The following PGPEP1L variants were observed in gnomAD, a reference collection of about 807,000 sequenced individuals.
The protein encoded by PGPEP1L is pyroglutamyl-peptidase I like.
In PGPEP1L, 7 loss-of-function variants were observed where a neutral mutation model predicts 6.0. That is an observed-to-expected ratio of 1.17 (90% confidence interval 0.66 to 2.19). The LOEUF is 2.19. PGPEP1L is among the 30% of genes most tolerant of loss of function. The pLI is 0.00. For synonymous variants in PGPEP1L, 103 were observed against 83.9 expected, an observed-to-expected ratio of 1.23 and a Z score of -1.24; for missense variants, 209 against 192.5, an observed-to-expected ratio of 1.09 and a Z score of -0.51.
intron 3 of PGPEP1L, among the ~76,000 whole-genome samples, chr15:98,970,581 T>A (rs1265329767): frequency 3.3e-5 from 5 of 152,122 alleles, no homozygotes; most frequent in African/African-American, 1.2e-4. Context: ...ATCTGTTTTT[T>A]ATACAGTAAT....
In PGPEP1L at chr15:98,975,223, G is replaced by C. The variant is rs187344500; in HGVS notation, c.-141-4065C>G. On this transcript the variant is annotated intron_variant, in intron 2 of 4. Transcript: ENST00000535714. The stretch of plus-strand genomic sequence containing the variant: ...TGTTAAGTGAAATAAGCCAGGCACA[G>C]ACACACAAACATTACATATTTTCAC... Among the ~76,000 whole-genome samples the C allele has an allele frequency of 1.3e-4, 20 of 152,280 alleles. No individual in the cohort carries two copies. In the East Asian group the frequency reaches 2.9e-3, roughly 22 times the overall value.
At chr15:98,976,035 A>G (rs554252068) in intron 2 of PGPEP1L, among the ~76,000 whole-genome samples, 8 of 152,330 alleles carry the variant, frequency 5.3e-5, no homozygotes, top group African/African-American at 1.9e-4. Context: ...CTTAAGAGAA[A>G]GAACATACAG....
chr15:98,987,486 T>C (rs1246420573), intron 2 of PGPEP1L, among the ~76,000 whole-genome samples: 1 of 150,886 alleles, frequency 6.6e-6, no homozygotes, highest in Non-Finnish European at 1.5e-5. Flanking sequence ...GCAGGGGTGG[T>C]GGTGGGGTTG....
At chr15:98,979,605 A>G (rs973698360) in intron 2 of PGPEP1L, among the ~76,000 whole-genome samples, 1 of 147,298 alleles carries the variant, frequency 6.8e-6, no homozygotes, top group Non-Finnish European at 1.5e-5. Context: ...TGGCATTTAT[A>G]GCAACCTGGA....
chr15:99,001,709 T>G (rs1329701104), intron 2 of PGPEP1L, among the ~76,000 whole-genome samples: 1 of 147,466 alleles, frequency 6.8e-6, no homozygotes, highest in Non-Finnish European at 1.5e-5. Context: ...TATATTTGTG[T>G]TTTTTATTTT....
At chr15:98,984,055 C>T (rs537087823) in intron 2 of PGPEP1L, among the ~76,000 whole-genome samples, 2 of 136,262 alleles carry the variant, frequency 1.5e-5, no homozygotes, top group Non-Finnish European at 3.0e-5. Context: ...CTCACTCTGT[C>T]GCCCAGGCTG....
Position 98,969,491 on chromosome 15 carries a change from A to C in PGPEP1L, c.143T>G (p.Met48Arg), listed in dbSNP as rs750914762. ...AGCTACGCGCTTGCAGACTGCCTTC[A>C]TGCAGACCCCTGACTCCAGCACGTC... ...SPDVLESGVC[M>R]KAVCKRVAVE... Residue 48 changes from methionine (M) to arginine (R), a missense_variant, in exon 4 of 5, where the codon ATG becomes AGG. Coordinates refer to ENST00000535714, the MANE Select transcript of PGPEP1L (RefSeq NM_001167902.2). 2.5e-6 allele frequency: 4 copies of C among 1,613,930 alleles called. No homozygotes were observed. In the African/African-American group the frequency reaches 4.0e-5, roughly 16 times the overall value.
chr15:99,002,620 C>A (rs1343109383), intron 2 of PGPEP1L, among the ~76,000 whole-genome samples: 2 of 150,900 alleles, frequency 1.3e-5, no homozygotes, highest in Non-Finnish European at 2.9e-5. Context: ...AACCTCTGTA[C>A]ACTTCTTGGC....
At position 98,968,267 on chromosome 15, in the gene PGPEP1L, T is replaced by C. The variant is rs1270476965; in HGVS notation, c.*211A>G. On this transcript the variant is annotated 3_prime_UTR_variant, in exon 5 of 5. Coordinates refer to ENST00000535714, the MANE Select transcript of PGPEP1L (RefSeq NM_001167902.2). The stretch of plus-strand genomic sequence containing the variant: ...ATTTTATTGTCATGAAAACCATAAC[T>C]GAAGCTAGTTCATCCCCTGTGAAAT... The C allele has an allele frequency of 5.1e-6, 3 of 590,020 alleles. No homozygotes were observed. Among genetic ancestry groups the C allele is most frequent in the South Asian group, 4.1e-5 (2 of 48,904 alleles). 36.5% of individuals were successfully genotyped at this position (590,020 alleles called of 1,614,324 possible).
At chr15:98,986,801 G>A (rs1379994666) in intron 2 of PGPEP1L, among the ~76,000 whole-genome samples, 1 of 152,120 alleles carries the variant, frequency 6.6e-6, no homozygotes, top group Non-Finnish European at 1.5e-5. Context: ...GGGTGGAAAT[G>A]GAAGAGGAAG....
intron 2 of PGPEP1L, among the ~76,000 whole-genome samples, chr15:98,992,160 T>C (rs2017828355): frequency 6.6e-6 from 1 of 152,202 alleles, no homozygotes; most frequent in South Asian, 2.1e-4. Flanking sequence ...AGTCAAATTG[T>C]CTCTGTTTGC....
At chr15:98,982,240 C>T (rs943412522) in intron 2 of PGPEP1L, among the ~76,000 whole-genome samples, 1 of 152,206 alleles carries the variant, frequency 6.6e-6, no homozygotes, top group Non-Finnish European at 1.5e-5. Context: ...CATCTGCACT[C>T]GCCTCGATCC....
At position 98,988,482 on chromosome 15, in the gene PGPEP1L, C is replaced by T. The variant is rs188383514; in HGVS notation, c.-142+16947G>A. Among the ~76,000 whole-genome samples, 21 of 152,338 alleles carry T rather than the reference C, an allele frequency of 1.4e-4. No homozygotes were observed. The East Asian group carries it at 3.9e-3, about 28-fold the overall frequency. On this transcript the variant is annotated intron_variant, in intron 2 of 4. Coordinates refer to ENST00000535714, the MANE Select transcript of PGPEP1L (RefSeq NM_001167902.2). The stretch of plus-strand genomic sequence containing the variant: ...AAGGGCATCTCTGAAAAAAAGGCAG[C>T]AGCCCCAGTCAGGGACATATAGCTA...
At chr15:98,984,879 G>A (rs761563870) in intron 2 of PGPEP1L, among the ~76,000 whole-genome samples, 45 of 152,166 alleles carry the variant, frequency 3.0e-4, no homozygotes, top group Admixed American at 3.9e-4. Flanking sequence ...TAGCAAGGAC[G>A]GTGGAGAAGA....
At chr15:98,978,699 A>C (rs2151757121) in intron 2 of PGPEP1L, among the ~76,000 whole-genome samples, 1 of 140,390 alleles carries the variant, frequency 7.1e-6, no homozygotes, top group East Asian at 2.1e-4. Flanking sequence ...CTCTAGCATT[A>C]GACTGTGTAT....
chr15:98,980,019 CT>C (rs1450274269), intron 2 of PGPEP1L, among the ~76,000 whole-genome samples: 2 of 152,044 alleles, frequency 1.3e-5, no homozygotes, highest in African/African-American at 4.8e-5. Context: ...ACAATGGACA[CT>C]GGGGACTCGA....
chr15:99,005,391 A>C (rs375476559), intron 2 of PGPEP1L, 38 bp downstream of exon 2: 2 of 152,610 alleles, frequency 1.3e-5, no homozygotes. Flanking sequence ...GGCTAAAAGC[A>C]GCAACAAATA....
At chr15:98,975,613 G>C (rs574028747) in intron 2 of PGPEP1L, among the ~76,000 whole-genome samples, 2 of 152,122 alleles carry the variant, frequency 1.3e-5, no homozygotes, top group African/African-American at 4.8e-5. Flanking sequence ...GGGCATGGTC[G>C]CTCACGCCTG....
At chr15:98,991,750 T>TC (rs1469084802) in intron 2 of PGPEP1L, among the ~76,000 whole-genome samples, 2 of 152,210 alleles carry the variant, frequency 1.3e-5, no homozygotes, top group East Asian at 3.8e-4. Context: ...AAAAAGCTTA[T>TC]CTACTACAAT....
Sources: gnomAD v4.1 joint callset for allele counts (sites outside exome capture counted in the v4.1 genomes callset) on GRCh38, gnomAD v4.1.1 for gene constraint, MANE v1.5 for transcripts, NCBI Gene and HGNC (gene_info 2026-07-23, HGNC 2026-07-21) for gene names.